The following CA8 variants were observed in gnomAD, a reference collection of about 807,000 sequenced individuals.
The protein encoded by CA8 is carbonic anhydrase 8 (inactive), also known as carbonic anhydrase-related protein.
In CA8, 22 loss-of-function variants were observed where a neutral mutation model predicts 41.4. That is an observed-to-expected ratio of 0.53 (90% CI 0.38 to 0.76). CA8 has a LOEUF of 0.76. Ranked by LOEUF, CA8 falls within the 30% of genes least tolerant of loss-of-function variation. CA8 has a pLI of 0.00. For missense variants in CA8, 270 were observed against 352.8 expected, an observed-to-expected ratio of 0.77 and a Z score of 1.88; for synonymous variants, 121 against 130.6, an observed-to-expected ratio of 0.93 and a Z score of 0.50.
At chr8:60,272,775 ATT>A (rs1804111796) in intron 2 of CA8, among the ~76,000 whole-genome samples, 1 of 152,222 alleles carries the variant, frequency 6.6e-6, no homozygotes, top group South Asian at 2.1e-4. Flanking sequence ...TTTGGATCTG[ATT>A]TATACTTACC....
At chr8:60,268,892 T>C (rs1803982452) in intron 2 of CA8, among the ~76,000 whole-genome samples, 1 of 152,156 alleles carries the variant, frequency 6.6e-6, no homozygotes, top group African/African-American at 2.4e-5. Context: ...TTATATTCTA[T>C]GGTATGAAAG....
chr8:60,272,711 G>A (rs935152544), intron 2 of CA8, among the ~76,000 whole-genome samples: 3 of 152,158 alleles, frequency 2.0e-5, no homozygotes, highest in African/African-American at 7.2e-5. Context: ...ATCTCTCCCT[G>A]TATAGCTATA....
chr8:60,239,083 G>T (rs1307971585), intron 3 of CA8, among the ~76,000 whole-genome samples: 1 of 152,016 alleles, frequency 6.6e-6, no homozygotes, highest in Non-Finnish European at 1.5e-5. Context: ...TATCAAAAGG[G>T]AGATAAATTC....
chr8:60,244,622 A>G (rs775949444), intron 3 of CA8, among the ~76,000 whole-genome samples: 1 of 152,124 alleles, frequency 6.6e-6, no homozygotes, highest in African/African-American at 2.4e-5. Flanking sequence ...ACCACTGTCA[A>G]TTTTCACACT....
intron 3 of CA8, among the ~76,000 whole-genome samples, chr8:60,250,042 G>T (rs1808393491): frequency 6.6e-6 from 1 of 152,124 alleles, no homozygotes; most frequent in African/African-American, 2.4e-5. Context: ...GATTAGACTT[G>T]CTCAGAAACA....
chr8:60,212,196 T>C (rs1394714956), intron 7 of CA8, among the ~76,000 whole-genome samples: 1 of 152,212 alleles, frequency 6.6e-6, no homozygotes, highest in African/African-American at 2.4e-5. Context: ...TATTCCAATC[T>C]TCACTGCCTC....
chr8:60,271,173 G>A (rs1804059371), intron 2 of CA8, among the ~76,000 whole-genome samples: 1 of 152,024 alleles, frequency 6.6e-6, no homozygotes, highest in Non-Finnish European at 1.5e-5. Context: ...CAAGACCCCT[G>A]TCTCTACCAA....
At chr8:60,256,216 G>A (rs7002369) in intron 3 of CA8, among the ~76,000 whole-genome samples, 77,045 of 152,020 alleles carry the variant, frequency 0.51, 21,565 homozygotes, top group African/African-American at 0.77. Context: ...GGCCTAAACG[G>A]TTAATTTTTA....
At chr8:60,236,285 A>C (rs1286451460) in intron 3 of CA8, among the ~76,000 whole-genome samples, 1 of 152,216 alleles carries the variant, frequency 6.6e-6, no homozygotes, top group East Asian at 1.9e-4. Flanking sequence ...TCCAGCCTTG[A>C]AACTCAAGCT....
At chr8:60,240,641 T>C (rs1807992141) in intron 3 of CA8, among the ~76,000 whole-genome samples, 1 of 152,102 alleles carries the variant, frequency 6.6e-6, no homozygotes, top group Non-Finnish European at 1.5e-5. Flanking sequence ...GCCAGGACAC[T>C]ATAGAGTATA....
In CA8 at chr8:60,269,774, C is replaced by T. The variant is rs1400089645; in HGVS notation, c.293-3725G>A. On this transcript the variant is annotated intron_variant, in intron 2 of 8. Transcript: ENST00000317995. Reference sequence around the variant, plus strand: ...AGTGTATAAAGCGAGGAAGATCCAGCCTTGGTGTTGACTGGGCAGTCTCAG... The same window carrying T: ...AGTGTATAAAGCGAGGAAGATCCAGTCTTGGTGTTGACTGGGCAGTCTCAG... Among the ~76,000 whole-genome samples the T allele has an allele frequency of 2.0e-5, 3 of 152,090 alleles. No individual in the cohort carries two copies. The South Asian group carries it at 6.2e-4, about 32-fold the overall frequency.
chr8:60,194,111 CTGT>C (rs1234280748), intron 8 of CA8, among the ~76,000 whole-genome samples: 1 of 149,250 alleles, frequency 6.7e-6, no homozygotes, highest in Non-Finnish European at 1.5e-5. Context: ...TAATAGCACC[CTGT>C]TTTTTTTGTG....
chr8:60,263,676 A>G (rs1232151613), intron 3 of CA8, among the ~76,000 whole-genome samples: 1 of 152,230 alleles, frequency 6.6e-6, no homozygotes, highest in Non-Finnish European at 1.5e-5. Context: ...AGTCCCCTGT[A>G]TGAGCCAACT....
At chr8:60,256,145 G>A (rs1808628341) in intron 3 of CA8, among the ~76,000 whole-genome samples, 1 of 152,042 alleles carries the variant, frequency 6.6e-6, no homozygotes, top group African/African-American at 2.4e-5. Context: ...CCTGACCTCA[G>A]GTGATCCGCC....
intron 2 of CA8, among the ~76,000 whole-genome samples, chr8:60,272,952 C>T (rs541078795): frequency 1.3e-5 from 2 of 152,344 alleles, no homozygotes; most frequent in African/African-American, 4.8e-5. Flanking sequence ...CTCTCTGCAG[C>T]TTGCCAGTTC....
chr8:60,235,904 G>T (rs539775113), intron 3 of CA8, among the ~76,000 whole-genome samples: 1 of 152,242 alleles, frequency 6.6e-6, no homozygotes, highest in African/African-American at 2.4e-5. Context: ...TTCTTTCAAA[G>T]GTCTTTTTGA....
intron 8 of CA8, among the ~76,000 whole-genome samples, chr8:60,194,075 G>T (rs958415661): frequency 6.6e-6 from 1 of 152,062 alleles, no homozygotes; most frequent in Non-Finnish European, 1.5e-5. Flanking sequence ...GTTTCCAAAA[G>T]CTCTGTTTTC....
At chr8:60,267,385 G>A (rs531110802) in intron 2 of CA8, among the ~76,000 whole-genome samples, 1 of 152,340 alleles carries the variant, frequency 6.6e-6, no homozygotes, top group South Asian at 2.1e-4. Context: ...GGAACATCCA[G>A]AGCAAGAAGT....
chr8:60,261,208 G>A (rs1803722093), intron 3 of CA8, among the ~76,000 whole-genome samples: 2 of 152,066 alleles, frequency 1.3e-5, no homozygotes, highest in African/African-American at 4.8e-5. Flanking sequence ...TGCAACCAAG[G>A]CCTGGACTCT....
Sources: allele counts gnomAD v4.1 joint callset (sites outside exome capture counted in the v4.1 genomes callset), GRCh38; gene constraint gnomAD v4.1.1; transcripts MANE v1.5; gene names NCBI Gene and HGNC (gene_info 2026-07-23, HGNC 2026-07-21).